Variants in POLQ observed in about 807,000 individuals in gnomAD.
POLQ encodes the protein epididymis secretory sperm binding protein.
Under a neutral mutation model 259.2 loss-of-function variants are expected in POLQ, and 233 were observed. The observed-to-expected ratio is 0.90, with a 90% CI of 0.81 to 1.00. POLQ has a LOEUF of 1.00. Ranked by LOEUF, POLQ falls within the 50% of genes least tolerant of loss-of-function variation. POLQ has a pLI of 0.00. For missense variants in POLQ, 2,871 were observed against 3,051.6 expected, an observed-to-expected ratio of 0.94 and a Z score of 1.39; for synonymous variants, 1,025 against 1,048.8, an observed-to-expected ratio of 0.98 and a Z score of 0.44.
chr3:121,495,911 C>A (rs1489565231), intron 14 of POLQ, among the ~76,000 whole-genome samples: 1 of 149,320 alleles, frequency 6.7e-6, no homozygotes, highest in Non-Finnish European at 1.5e-5. Flanking sequence ...CTCTTCTCAT[C>A]TTCCCCGCAG....
At chr3:121,525,255 G>A (rs1256646174) in intron 7 of POLQ, among the ~76,000 whole-genome samples, 1 of 151,958 alleles carries the variant, frequency 6.6e-6, no homozygotes, top group Non-Finnish European at 1.5e-5. Context: ...GCAGGAGAAT[G>A]GCGTGAACCT....
At chr3:121,461,215 A>G (rs2047788877) in intron 24 of POLQ, among the ~76,000 whole-genome samples, 1 of 152,204 alleles carries the variant, frequency 6.6e-6, no homozygotes, top group South Asian at 2.1e-4. Context: ...TTCGCTGGCA[A>G]TTTAACAGTG....
At chr3:121,501,520 G>A (rs1289714729) in intron 12 of POLQ, among the ~76,000 whole-genome samples, 2 of 150,132 alleles carry the variant, frequency 1.3e-5, no homozygotes, top group Non-Finnish European at 3.0e-5. Context: ...TTAGCTGGGC[G>A]TAGTGGCGGG....
chr3:121,478,716 G>A (rs565106934), intron 19 of POLQ, among the ~76,000 whole-genome samples: 10 of 151,800 alleles, frequency 6.6e-5, no homozygotes, highest in African/African-American at 2.4e-4. Context: ...TTAAGAGAAA[G>A]CTGATGTTGC....
intron 28 of POLQ, 125 bp downstream of exon 28, chr3:121,435,997 A>T (rs1186011178): frequency 8.4e-6 from 6 of 713,018 alleles, no homozygotes; most frequent in Non-Finnish European, 1.2e-5. Context: ...CTAATAGTAT[A>T]AAGACATCAT....
In POLQ at chr3:121,493,581, C is replaced by G. The variant is rs1252138781; in HGVS notation, c.2419G>C (p.Ala807Pro). 6.2e-7 allele frequency: 1 copy of G among 1,613,808 alleles called. No homozygotes were observed. Among genetic ancestry groups the G allele is most frequent in the African/African-American group, 1.3e-5 (1 of 74,898 alleles). The change falls in exon 15 of 30, where the codon GCC becomes CCC. Residue 807 changes from alanine to proline, a missense_variant. Ala to Pro is a conservative substitution (Grantham distance 27, BLOSUM62 -1). Around this residue, in one of 3 missense-constraint regions of POLQ, gnomAD observed 2,080 missense variants for 2,126.0 expected, o/e 0.98. Transcript: ENST00000264233. Reference protein sequence around the residue: ...VRVSLLNAQRARVLYASGFHT... With the variant: ...VRVSLLNAQRPRVLYASGFHT... ...AAGCCAGAAGCATAGAGAACCCTGG[C>G]TCTCTGAGCATTTAGTAAGGATACC... is the stretch of plus-strand genomic sequence containing the variant.
rs749686340 is a variant in POLQ at position 121,510,230 on chromosome 3, C to T, written c.1625G>A (p.Gly542Glu). The T allele has an allele frequency of 1.2e-6, 2 of 1,609,942 alleles. No homozygotes were observed. Among genetic ancestry groups the T allele is most frequent in the Non-Finnish European group, 1.7e-6 (2 of 1,176,370 alleles). Residue 542 changes from glycine (G) to glutamate (E), a missense_variant, in exon 11 of 30, where the codon GGA becomes GAA. Physicochemically the swap from Gly to Glu is moderately conservative, Grantham distance 98. Around this residue, in one of 3 missense-constraint regions of POLQ, gnomAD observed 783 missense variants for 906.2 expected, o/e 0.86. Transcript: ENST00000264233. ...IRAILEIIVG[G>E]VASTSQDMHT... ...CATATCTTGTGATGTACTTGCCACT[C>T]CACCAACTATTATCTGAAAGAAGAT... is the stretch of plus-strand genomic sequence containing the variant.
chr3:121,502,812 AATAAGT>A (rs1311348504), intron 12 of POLQ, among the ~76,000 whole-genome samples: 2 of 152,212 alleles, frequency 1.3e-5, no homozygotes, highest in African/African-American at 4.8e-5. Flanking sequence ...ATAATGATGT[AATAAGT>A]ATAACAATGG....
intron 20 of POLQ, among the ~76,000 whole-genome samples, chr3:121,474,233 G>T (rs540244144): frequency 1.3e-5 from 2 of 152,144 alleles, no homozygotes; most frequent in Non-Finnish European, 2.9e-5. Context: ...AAGTAGGAAG[G>T]GGTTTGAAAA....
chr3:121,517,214 G>A (rs1187191067), intron 9 of POLQ, among the ~76,000 whole-genome samples: 4 of 152,132 alleles, frequency 2.6e-5, no homozygotes, highest in African/African-American at 7.2e-5. Context: ...GACAGAGGTA[G>A]GCAAATAGGA....
chr3:121,508,510 G>T (rs2108806929), intron 12 of POLQ, among the ~76,000 whole-genome samples: 1 of 152,246 alleles, frequency 6.6e-6, no homozygotes, highest in South Asian at 2.1e-4. Context: ...GCCAAAAGTT[G>T]AACTAAGGCA....
At position 121,490,117 on chromosome 3, in the gene POLQ, G is replaced by T. The variant is rs1157228573; in HGVS notation, c.2814C>A (p.Asn938Lys). ...AATCACTAAATATTGTGTTACTTTT[G>T]TTCTTTGATGTTAATTTTTTATAAG... ...KSSYKKLTSK[N>K]KSNTIFSDSY... The change falls in exon 16 of 30, where the codon AAC becomes AAA. Residue 938 changes from asparagine (N) to lysine (K), a missense_variant. By Grantham distance (94) the Asn-to-Lys change is moderately conservative (BLOSUM62 0). This residue lies in a region of POLQ where 2,080 missense variants were observed against 2,126.0 expected (regional missense o/e 0.98). Transcript: ENST00000264233. The T allele has an allele frequency of 6.2e-7, 1 of 1,604,158 alleles. No homozygotes were observed. The highest frequency in any genetic ancestry group is 8.5e-7 in the Non-Finnish European group (1 of 1,173,412).
chr3:121,508,016 A>ATTTTTTTTTTTTTTTTTTTTTTTTT (rs4048669), intron 12 of POLQ, among the ~76,000 whole-genome samples: 1 of 129,648 alleles, frequency 7.7e-6, no homozygotes. Flanking sequence ...ACCATACACA[A>ATTTTTTTTTTTTTTTTTTTTTTTTT]TTTTTTTTTT....
chr3:121,528,119 T>A (rs2048385644), intron 7 of POLQ, among the ~76,000 whole-genome samples: 1 of 152,176 alleles, frequency 6.6e-6, no homozygotes, highest in Admixed American at 6.5e-5. Context: ...TAAGTTTTGA[T>A]AAATATTTAT....
chr3:121,432,141 G>T lies in POLQ; in HGVS notation c.*163C>A. 1 of 572,790 alleles carries T rather than the reference G, an allele frequency of 1.7e-6. No individual in the cohort carries two copies. Among genetic ancestry groups the T allele is most frequent in the Non-Finnish European group, 2.9e-6 (1 of 350,582 alleles). 35.5% of individuals were successfully genotyped at this position (572,790 alleles called of 1,614,324 possible). On this transcript the variant is annotated 3_prime_UTR_variant, in exon 30 of 30. Transcript: ENST00000264233. ...GCCCCCAGAAGTTTTTGATGCTATAGACACTGATATATAGTTTGAAACTCT... is the reference window on the plus strand; with the variant it reads ...GCCCCCAGAAGTTTTTGATGCTATATACACTGATATATAGTTTGAAACTCT...
chr3:121,452,264 G>T (rs1363057226), intron 25 of POLQ, among the ~76,000 whole-genome samples: 1 of 152,072 alleles, frequency 6.6e-6, no homozygotes, highest in Admixed American at 6.5e-5. Flanking sequence ...CCCTGCTTCG[G>T]CTCACGCTCG....
At chr3:121,468,143 T>C (rs1320388510) in intron 23 of POLQ, among the ~76,000 whole-genome samples, 162 bp downstream of exon 23, 1 of 152,240 alleles carries the variant, frequency 6.6e-6, no homozygotes, top group Admixed American at 6.5e-5. Context: ...ATGAATTAGC[T>C]TCTTTATAGA....
intron 5 of POLQ, among the ~76,000 whole-genome samples, chr3:121,534,485 A>C (rs548109444): frequency 5.3e-5 from 8 of 152,090 alleles, no homozygotes; most frequent in Non-Finnish European, 7.4e-5. Context: ...CACCACGCCC[A>C]GCCAAATTTT....
chr3:121,487,371 G>C lies in POLQ; in HGVS notation c.5560C>G (p.Leu1854Val). 6.2e-7 allele frequency: 1 copy of C among 1,613,998 alleles called. No homozygotes were observed. Among genetic ancestry groups the C allele is most frequent in the Non-Finnish European group, 8.5e-7 (1 of 1,179,924 alleles). ...AAACTTCTAATCTTTTCACAAGCCA[G>C]TGAGATGGAAAATCGCTTTTTGCAC... ...WRCKKRFSIS[L>V]ACEKIRSLTS... The change falls in exon 16 of 30, where the codon CTG becomes GTG. Residue 1854 changes from leucine to valine, a missense_variant. Leu to Val is a conservative substitution (Grantham distance 32). Around this residue, in one of 3 missense-constraint regions of POLQ, gnomAD observed 2,080 missense variants for 2,126.0 expected, o/e 0.98. Transcript: ENST00000264233.
Sources: gnomAD v4.1 joint callset for allele counts (sites outside exome capture counted in the v4.1 genomes callset) on GRCh38, gnomAD v4.1.1 for gene constraint, gnomAD v4.1.1 regional missense constraint, MANE v1.5 for transcripts, NCBI Gene and HGNC (gene_info 2026-07-23, HGNC 2026-07-21) for gene names.